CRTAC1: variants seen among roughly 807,000 people sequenced by gnomAD.
CRTAC1 encodes acidic secreted protein in cartilage.
Under a neutral mutation model 67.8 loss-of-function variants are expected in CRTAC1, and 37 were observed. That is an observed-to-expected ratio of 0.55 (90% CI 0.42 to 0.72). The LOEUF (loss-of-function observed/expected upper bound fraction) is 0.72, where lower values mean the gene tolerates loss of function less well. Among genes scored for constraint, CRTAC1 ranks in the 30% least tolerant of loss-of-function variants. CRTAC1 has a pLI of 0.00. For missense variants in CRTAC1, 780 were observed against 931.6 expected, an observed-to-expected ratio of 0.84 and a Z score of 2.12; for synonymous variants, 348 against 371.0, an observed-to-expected ratio of 0.94 and a Z score of 0.71.
At chr10:97,896,833 T>TGCCCCCC in intron 9 of CRTAC1, 76 bp downstream of exon 9, 1 of 450,864 alleles carries the variant, frequency 2.2e-6, no homozygotes, top group East Asian at 4.6e-5. Context: ...GGCTGCCCCG[T>TGCCCCCC]CCCTCCCGCC....
intron 2 of CRTAC1, among the ~76,000 whole-genome samples, chr10:97,962,650 T>TGGGGA (rs2051545022): frequency 6.6e-6 from 1 of 152,122 alleles, no homozygotes; most frequent in Non-Finnish European, 1.5e-5. Context: ...ATGAGGTTCT[T>TGGGGA]ATAGGTGGGG....
intron 11 of CRTAC1, among the ~76,000 whole-genome samples, chr10:97,894,734 A>ATATATATATG (rs2050428288): frequency 2.9e-5 from 1 of 34,162 alleles, no homozygotes. Flanking sequence ...ATATATATAT[A>ATATATATATG]TATATATATA....
intron 11 of CRTAC1, among the ~76,000 whole-genome samples, chr10:97,894,004 A>G (rs533328106): frequency 6.6e-6 from 1 of 152,298 alleles, no homozygotes; most frequent in South Asian, 2.1e-4. Flanking sequence ...AACTATTAAC[A>G]CCTAGGTTGT....
chr10:97,924,528 T>A (rs2050886071), intron 3 of CRTAC1, among the ~76,000 whole-genome samples: 1 of 152,150 alleles, frequency 6.6e-6, no homozygotes, highest in African/African-American at 2.4e-5. Context: ...ATGGAAATGA[T>A]CTGGAGCCCC....
intron 11 of CRTAC1, among the ~76,000 whole-genome samples, chr10:97,889,203 G>A (rs1048345219): frequency 1.3e-5 from 2 of 151,948 alleles, no homozygotes; most frequent in Non-Finnish European, 2.9e-5. Flanking sequence ...AGTGGAGCTG[G>A]CGGAGGCAAA....
rs1479851869 is a variant in CRTAC1 at position 97,879,550 on chromosome 10, C to T, written c.1819+699G>A. On this transcript the variant is annotated intron_variant, in intron 14 of 14. Coordinates refer to ENST00000370597, the MANE Select transcript of CRTAC1 (RefSeq NM_018058.7). Reference sequence around the variant, plus strand: ...ACCTTCCCTTTTCAAAGATGGCCACCCCTGTTGTCCATTCAGAGGGAGCAC... The same window carrying T: ...ACCTTCCCTTTTCAAAGATGGCCACTCCTGTTGTCCATTCAGAGGGAGCAC... The T allele has an allele frequency of 6.2e-6, 7 of 1,133,816 alleles. No homozygotes were observed. In the South Asian group the frequency reaches 1.4e-4, roughly 22 times the overall value. 70.2% of individuals were successfully genotyped at this position (1,133,816 alleles called of 1,614,324 possible). A position where few individuals can be genotyped will look rare whatever the true frequency, so the allele number is the denominator to read the frequency against.
intron 14 of CRTAC1, 111 bp from the exon 15 acceptor site, chr10:97,865,825 G>A (rs1196728074): frequency 4.1e-6 from 5 of 1,217,898 alleles, no homozygotes; most frequent in Non-Finnish European, 5.5e-6. Context: ...GCCCGGGGTG[G>A]GAGGGAGGGT....
chr10:97,928,115 T>C (rs1190570895), intron 3 of CRTAC1, among the ~76,000 whole-genome samples: 1 of 152,012 alleles, frequency 6.6e-6, no homozygotes, highest in African/African-American at 2.4e-5. Context: ...CAGGGGGCCA[T>C]GGAGCCACAG....
At chr10:97,872,168 C>T (rs1344972459) in intron 14 of CRTAC1, among the ~76,000 whole-genome samples, 1 of 150,014 alleles carries the variant, frequency 6.7e-6, no homozygotes, top group Non-Finnish European at 1.5e-5. Context: ...TGGCCCTGGC[C>T]AGGTGAATGG....
intron 3 of CRTAC1, among the ~76,000 whole-genome samples, chr10:97,923,676 A>G (rs762467330): frequency 1.3e-5 from 2 of 152,092 alleles, no homozygotes; most frequent in East Asian, 1.9e-4. Flanking sequence ...TGTGCCCAAG[A>G]TGACCCTCAG....
At chr10:98,027,449 T>C (rs1185505864) in intron 1 of CRTAC1, among the ~76,000 whole-genome samples, 2 of 150,756 alleles carry the variant, frequency 1.3e-5, no homozygotes, top group African/African-American at 2.4e-5. Flanking sequence ...ATCTGGGAGG[T>C]CTCACCAGCA....
intron 14 of CRTAC1, chr10:97,871,364 T>G (rs2050091911): frequency 6.6e-6 from 1 of 152,168 alleles, no homozygotes; most frequent in Non-Finnish European, 1.5e-5. Flanking sequence ...CTTTCCTGAG[T>G]CTCACCTTTG....
chr10:98,028,531 C>T (rs1002395890), intron 1 of CRTAC1, among the ~76,000 whole-genome samples: 1 of 152,152 alleles, frequency 6.6e-6, no homozygotes, highest in African/African-American at 2.4e-5. Context: ...CCTAGAATTA[C>T]ACAGGCCATT....
intron 2 of CRTAC1, among the ~76,000 whole-genome samples, chr10:97,985,234 G>A (rs1413824280): frequency 6.6e-6 from 1 of 152,146 alleles, no homozygotes; most frequent in East Asian, 1.9e-4. Flanking sequence ...GCTAAGCCCT[G>A]TTATTCTTCT....
chr10:97,899,787 G>A (rs2050508368), intron 8 of CRTAC1, among the ~76,000 whole-genome samples: 1 of 152,162 alleles, frequency 6.6e-6, no homozygotes, highest in African/African-American at 2.4e-5. Flanking sequence ...GGGGGGCCGA[G>A]CCAGTGATCT....
intron 3 of CRTAC1, among the ~76,000 whole-genome samples, chr10:97,933,329 C>T (rs537485038): frequency 9.2e-5 from 14 of 152,374 alleles, no homozygotes; most frequent in East Asian, 3.9e-4. Context: ...AGGCCGGCTC[C>T]GGCCTCTCCC....
Position 98,022,007 on chromosome 10 carries a change from T to A in CRTAC1, c.24+8442A>T, listed in dbSNP as rs139953059. ...GACGTGGTCCCTGACCTCAAGGAGC[T>A]TACAATCTACCAGGGGTGAGACACA... On this transcript the variant is annotated intron_variant, in intron 1 of 14. Transcript: ENST00000370597. Among the ~76,000 whole-genome samples the A allele has an allele frequency of 6.8e-4, 104 of 152,248 alleles. No individual in the cohort carries two copies. The East Asian group carries it at 0.019, about 28-fold the overall frequency.
At chr10:97,908,873 C>T (rs1383835570) in intron 5 of CRTAC1, among the ~76,000 whole-genome samples, 1 of 152,168 alleles carries the variant, frequency 6.6e-6, no homozygotes, top group Non-Finnish European at 1.5e-5. Context: ...TCTGAATACA[C>T]ATGTTTGTGC....
intron 12 of CRTAC1, 55 bp from the exon 13 acceptor site, chr10:97,882,883 G>T (rs1419057438): frequency 4.4e-6 from 7 of 1,574,510 alleles, no homozygotes; most frequent in Non-Finnish European, 6.1e-6. Context: ...CCCATCCCAG[G>T]TTCCCTCCTA....
Sources: gnomAD v4.1 joint callset for allele counts (sites outside exome capture counted in the v4.1 genomes callset) on GRCh38, gnomAD v4.1.1 for gene constraint, MANE v1.5 for transcripts, NCBI Gene and HGNC (gene_info 2026-07-23, HGNC 2026-07-21) for gene names.